The following EMSY variants were observed in gnomAD, a reference collection of about 807,000 sequenced individuals.
EMSY encodes the protein BRCA2-interacting transcriptional repressor EMSY.
EMSY carries 26 observed loss-of-function variants against 134.6 expected under a neutral mutation model. The ratio of observed to expected loss-of-function variants is 0.19; its 90% confidence interval spans 0.14 to 0.27. EMSY has a LOEUF of 0.27. Among genes scored for constraint, EMSY ranks in the 10% least tolerant of loss-of-function variants. The pLI, the probability that EMSY is intolerant of heterozygous loss-of-function variation, is 1.00. For synonymous variants in EMSY, 579 were observed against 577.8 expected, an observed-to-expected ratio of 1.00 and a Z score of -0.03; for missense variants, 1,305 against 1,611.4, an observed-to-expected ratio of 0.81 and a Z score of 3.26.
At chr11:76,512,485 G>A (rs1950312028) in intron 9 of EMSY, among the ~76,000 whole-genome samples, 5 of 152,008 alleles carry the variant, frequency 3.3e-5, no homozygotes, top group South Asian at 4.2e-4. Context: ...CTAGAAGCTA[G>A]CATTCCTATG....
chr11:76,472,702 A>G lies in EMSY; in HGVS notation c.970A>G (p.Thr324Ala), dbSNP rs754040400. ...AACCCAGAAGCCACCAGTTGTTATAACTGCTTCACAGTCCTCTCTGGTCAG... is the reference window on the plus strand; with the variant it reads ...AACCCAGAAGCCACCAGTTGTTATAGCTGCTTCACAGTCCTCTCTGGTCAG... Residue 324 changes from threonine to alanine, a missense_variant, in exon 8 of 21, where the codon ACT (threonine) becomes GCT (alanine). By Grantham distance (58) the Thr-to-Ala change is moderately conservative. Transcript: ENST00000334736. 10 of 1,614,196 alleles carry G rather than the reference A, an allele frequency of 6.2e-6. No homozygotes were observed. In the Admixed American group the frequency reaches 1.5e-4, roughly 24 times the overall value.
In EMSY at chr11:76,463,689, A is replaced by G. The variant is rs1374243970; in HGVS notation, c.572-132A>G. The G allele has an allele frequency of 3.1e-6, 3 of 963,006 alleles. No homozygotes were observed. The African/African-American group carries it at 5.0e-5, about 16-fold the overall frequency. 59.7% of individuals were successfully genotyped at this position (963,006 alleles called of 1,614,324 possible). A position where few individuals can be genotyped will look rare whatever the true frequency, so the allele number is the denominator to read the frequency against. On this transcript the variant is annotated intron_variant, in intron 6 of 20. Coordinates refer to ENST00000334736, the Ensembl canonical transcript of EMSY. ...ATTCAGAGACCACTTCTCTGAGGGA[A>G]GATTGATAGAACTTATTGGCTAATG... is the stretch of plus-strand genomic sequence containing the variant.
chr11:76,506,825 T>C (rs1160740318), intron 9 of EMSY, among the ~76,000 whole-genome samples: 4 of 152,194 alleles, frequency 2.6e-5, no homozygotes, highest in Admixed American at 2.0e-4. Flanking sequence ...AAAACTGACA[T>C]AGCAGTCATA....
At chr11:76,540,089 T>C (rs899577470) in intron 17 of EMSY, among the ~76,000 whole-genome samples, 15 of 152,200 alleles carry the variant, frequency 9.9e-5, no homozygotes, top group Admixed American at 2.6e-4. Flanking sequence ...GAAGTAATTA[T>C]AGTTGAAGGA....
rs114128219 is a variant in EMSY at position 76,528,921 on chromosome 11, A to G, written c.2194+455A>G. Among the ~76,000 whole-genome samples the G allele has an allele frequency of 4.4e-3, 665 of 152,232 alleles. 4 individuals carry two copies. The highest frequency in any genetic ancestry group is 0.015 in the African/African-American group (625 of 41,556). On this transcript the variant is annotated intron_variant, in intron 14 of 20. Transcript: ENST00000334736. ...GTAAGTAGGGTGACTATACATTCCA[A>G]TTTGCATGGGACAAGTCCTAGTTTA...
intron 13 of EMSY, among the ~76,000 whole-genome samples, chr11:76,527,794 G>GA (rs1001099970): frequency 2.0e-5 from 3 of 150,894 alleles, no homozygotes; most frequent in African/African-American, 4.9e-5. Context: ...AAAAAGAAAA[G>GA]AAAAAAAACT....
chr11:76,453,832 T>C (rs1947765776), intron 4 of EMSY: 1 of 152,270 alleles, frequency 6.6e-6, no homozygotes, highest in Non-Finnish European at 1.5e-5. Flanking sequence ...CAGAAAAAAA[T>C]GTAAAATTTG....
chr11:76,505,038 A>C (rs957098675), intron 9 of EMSY, among the ~76,000 whole-genome samples: 8 of 152,192 alleles, frequency 5.3e-5, no homozygotes, highest in African/African-American at 1.9e-4. Context: ...AGTAGATCAT[A>C]TTATGGGGTT....
intron 8 of EMSY, among the ~76,000 whole-genome samples, chr11:76,475,780 G>A (rs928401074): frequency 3.9e-5 from 6 of 152,202 alleles, no homozygotes; most frequent in Admixed American, 2.0e-4. Flanking sequence ...TCCTGTGTGG[G>A]TACATCAGGC....
chr11:76,528,371 A>C (rs1309030558), exon 14 of EMSY: 1 of 1,612,904 alleles, frequency 6.2e-7, no homozygotes, highest in Admixed American at 1.7e-5. Context: ...AGGGTAGCAG[A>C]GGCTGGTAAT....
chr11:76,454,764 A>G, intron 4 of EMSY: 4 of 1,467,712 alleles, frequency 2.7e-6, no homozygotes, highest in African/African-American at 1.4e-5. Context: ...ATTTATCCTT[A>G]TATTTGGGTG....
At chr11:76,518,684 CATAT>C (rs796392038) in intron 11 of EMSY, among the ~76,000 whole-genome samples, 16 of 121,626 alleles carry the variant, frequency 1.3e-4, no homozygotes, top group African/African-American at 4.4e-4. Flanking sequence ...TGTGTGCGCG[CATAT>C]ATATATATAT....
intron 2 of EMSY, among the ~76,000 whole-genome samples, chr11:76,449,609 G>C (rs1200920566): frequency 6.6e-6 from 1 of 151,860 alleles, no homozygotes; most frequent in Non-Finnish European, 1.5e-5. Context: ...CATTTTGCAG[G>C]CTGCAAAATC....
At chr11:76,540,537 A>G (rs1951398003) in intron 17 of EMSY, among the ~76,000 whole-genome samples, 1 of 152,250 alleles carries the variant, frequency 6.6e-6, no homozygotes, top group Non-Finnish European at 1.5e-5. Context: ...ATAATCTCAA[A>G]TCACATGTAG....
chr11:76,484,108 C>G (rs1282557118), intron 8 of EMSY, among the ~76,000 whole-genome samples: 1 of 152,202 alleles, frequency 6.6e-6, no homozygotes, highest in Non-Finnish European at 1.5e-5. Context: ...CTCAAACCTG[C>G]ACAACTACAT....
chr11:76,527,551 A>G (rs950698469), intron 13 of EMSY, among the ~76,000 whole-genome samples: 10 of 152,164 alleles, frequency 6.6e-5, no homozygotes, highest in African/African-American at 1.9e-4. Context: ...ATTAACTCCT[A>G]GAGTTCAGAT....
intron 8 of EMSY, among the ~76,000 whole-genome samples, chr11:76,474,623 T>C: frequency 6.6e-6 from 1 of 152,202 alleles, no homozygotes; most frequent in East Asian, 1.9e-4. Context: ...TATTTTCTAG[T>C]TCTGATACCC....
At chr11:76,539,628 T>G in exon 17 of EMSY, 1 of 1,613,876 alleles carries the variant, frequency 6.2e-7, no homozygotes, top group Non-Finnish European at 8.5e-7. Flanking sequence ...AGAGGTTGCT[T>G]TTCCCCTTCT....
chr11:76,542,572 C>G (rs932871643), intron 18 of EMSY, among the ~76,000 whole-genome samples: 1 of 152,158 alleles, frequency 6.6e-6, no homozygotes, highest in Admixed American at 6.5e-5. Flanking sequence ...TCTGTGAACT[C>G]TTACCATTTC....
Sources: gnomAD v4.1 joint callset for allele counts (sites outside exome capture counted in the v4.1 genomes callset) on GRCh38, gnomAD v4.1.1 for gene constraint, MANE v1.5 for transcripts, NCBI Gene and HGNC (gene_info 2026-07-23, HGNC 2026-07-21) for gene names.